PTPRN2: variants seen among roughly 807,000 people sequenced by gnomAD.
PTPRN2 encodes the protein protein tyrosine phosphatase receptor type N2.
A neutral mutation model predicts 118.8 loss-of-function variants in PTPRN2; 74 were observed. That is an observed-to-expected ratio of 0.62 (90% CI 0.52 to 0.76). The LOEUF is 0.76. Ranked by LOEUF, PTPRN2 falls within the 30% of genes least tolerant of loss-of-function variation. PTPRN2 has a pLI of 0.00. For synonymous variants in PTPRN2, 641 were observed against 608.0 expected (o/e 1.05, Z -0.80); for missense variants, 1,481 against 1,394.4 (o/e 1.06, Z -0.99).
Position 157,619,536 on chromosome 7 carries a change from G to A in PTPRN2, c.2344+1826C>T, listed in dbSNP as rs555983500. Among the ~76,000 whole-genome samples the A allele has an allele frequency of 6.6e-6, 1 of 152,148 alleles. No individual in the cohort carries two copies. The highest frequency in any genetic ancestry group is 1.5e-5 in the Non-Finnish European group (1 of 68,024). On this transcript the variant is annotated intron_variant, in intron 15 of 22. Coordinates refer to ENST00000389418, the MANE Select transcript of PTPRN2 (RefSeq NM_002847.5). The surrounding 1 kb of genome is among the most constrained non-coding windows in gnomAD (Gnocchi z 5.3). The stretch of plus-strand genomic sequence containing the variant: ...AGTAAATATCTGTTAGTTGGCTAAT[G>A]GGATGTATTGTATTTTGCTTTTCTT...
At chr7:158,117,028 C>A (rs973843022) in intron 9 of PTPRN2, among the ~76,000 whole-genome samples, 14 of 149,930 alleles carry the variant, frequency 9.3e-5, no homozygotes, top group Non-Finnish European at 1.2e-4. Flanking sequence ...AAACAAGAAA[C>A]AAAGAAACAA....
chr7:158,443,559 G>A (rs545014096), intron 2 of PTPRN2, among the ~76,000 whole-genome samples: 32 of 152,282 alleles, frequency 2.1e-4, no homozygotes, highest in Admixed American at 1.9e-3. Flanking sequence ...GGAAGCAGGA[G>A]GAGCGGCGTG....
chr7:158,317,326 C>T (rs955856704), intron 2 of PTPRN2, among the ~76,000 whole-genome samples: 1 of 152,238 alleles, frequency 6.6e-6, no homozygotes, highest in South Asian at 2.1e-4. Flanking sequence ...AAACAGAACA[C>T]CCAGGAAATA....
intron 12 of PTPRN2, among the ~76,000 whole-genome samples, chr7:157,738,787 A>G (rs1315150731): frequency 6.6e-6 from 1 of 151,778 alleles, no homozygotes; most frequent in Non-Finnish European, 1.5e-5. Context: ...TTTTGTATGT[A>G]TTATTTCTAG....
intron 12 of PTPRN2, among the ~76,000 whole-genome samples, chr7:157,852,759 C>T (rs954162600): frequency 6.7e-6 from 1 of 150,200 alleles, no homozygotes; most frequent in South Asian, 2.1e-4. Flanking sequence ...ATCCCAGCTA[C>T]TCGGGAGGCT....
At chr7:158,332,305 A>T (rs376092788) in intron 2 of PTPRN2, among the ~76,000 whole-genome samples, 158 of 44,872 alleles carry the variant, frequency 3.5e-3, no homozygotes, top group South Asian at 0.023. Flanking sequence ...GACGTCACTC[A>T]CACCCACACT....
chr7:158,301,044 T>C (rs1800852797), intron 3 of PTPRN2, among the ~76,000 whole-genome samples: 1 of 152,254 alleles, frequency 6.6e-6, no homozygotes, highest in African/African-American at 2.4e-5. Context: ...AGATGAATGG[T>C]AACCTTCATG....
intron 6 of PTPRN2, among the ~76,000 whole-genome samples, chr7:158,158,545 T>G (rs201923282): frequency 0.066 from 7,543 of 114,852 alleles, 764 homozygotes; most frequent in African/African-American, 0.079. Flanking sequence ...ATGAGTGAAC[T>G]CAGGAGAATC....
intron 3 of PTPRN2, 46 bp downstream of exon 3, chr7:158,316,773 T>A (rs746878534): frequency 9.8e-6 from 14 of 1,427,714 alleles, no homozygotes; most frequent in Non-Finnish European, 1.3e-5. Flanking sequence ...GCCCGTGCGG[T>A]CGCTCAGTGC....
chr7:157,885,442 A>G (rs537661909), intron 12 of PTPRN2, among the ~76,000 whole-genome samples: 1 of 152,292 alleles, frequency 6.6e-6, no homozygotes, highest in East Asian at 1.9e-4. Context: ...CCTGAGCAGA[A>G]GGGCATGGGG....
intron 12 of PTPRN2, among the ~76,000 whole-genome samples, chr7:157,806,278 A>G (rs948368074): frequency 1.6e-4 from 24 of 152,192 alleles, no homozygotes; most frequent in African/African-American, 5.3e-4. Flanking sequence ...CTATGCTCAA[A>G]AAGTTTTCGA....
chr7:158,143,727 A>C (rs1160869661), intron 6 of PTPRN2, among the ~76,000 whole-genome samples: 4 of 152,134 alleles, frequency 2.6e-5, no homozygotes, highest in Non-Finnish European at 5.9e-5. Flanking sequence ...ATTATTTCTG[A>C]TGTCACGATT....
Position 157,548,874 on chromosome 7 carries a change from C to T in PTPRN2, c.2976+72G>A. 2.8e-6 allele frequency: 4 copies of T among 1,417,512 alleles called. No individual in the cohort carries two copies. The South Asian group carries it at 4.6e-5, about 16-fold the overall frequency. The allele number at this position is 1,417,512 out of a possible 1,614,324, so 87.8% of individuals were successfully genotyped here. A position where few individuals can be genotyped will look rare whatever the true frequency, so the allele number is the denominator to read the frequency against. On this transcript the variant is annotated intron_variant, in intron 22 of 22. Transcript: ENST00000389418. The stretch of plus-strand genomic sequence containing the variant: ...CACATTAAACCAGGCCCTCCCCGTG[C>T]TCCTCTCAGGAACACGGCCGCAGAG...
At position 157,794,189 on chromosome 7, in the gene PTPRN2, C is replaced by T. The variant is rs1804711731; in HGVS notation, c.1788+104484G>A. On this transcript the variant is annotated intron_variant, in intron 12 of 22. Transcript: ENST00000389418. This position sits in a 1 kb window ranked among gnomAD's most constrained non-coding sequence, Gnocchi z 5.2. ...CACCTCTCCTCGTTCTCTGCCCTGA[C>T]CCGGGATCACACCTCCGACCCGGGC... 6.8e-6 allele frequency among the ~76,000 whole-genome samples: 1 copy of T among 148,144 alleles called. No individual in the cohort carries two copies. The highest frequency in any genetic ancestry group is 1.5e-5 in the Non-Finnish European group (1 of 67,808).
chr7:157,958,828 C>A (rs943836727), intron 11 of PTPRN2, among the ~76,000 whole-genome samples: 1 of 152,138 alleles, frequency 6.6e-6, no homozygotes. Flanking sequence ...TAATACTACC[C>A]AAAGTGATCT....
intron 21 of PTPRN2, among the ~76,000 whole-genome samples, chr7:157,565,066 G>A (rs566690576): frequency 1.3e-5 from 2 of 152,354 alleles, no homozygotes; most frequent in South Asian, 2.1e-4. Flanking sequence ...AAGCGCAGAC[G>A]CGGTATCACT....
At chr7:157,682,086 G>C (rs1002192090) in intron 13 of PTPRN2, among the ~76,000 whole-genome samples, 1 of 152,204 alleles carries the variant, frequency 6.6e-6, no homozygotes, top group Non-Finnish European at 1.5e-5. Context: ...CGAAATGTGC[G>C]CCATAGAACT....
At chr7:157,747,836 G>C in intron 12 of PTPRN2, among the ~76,000 whole-genome samples, 1 of 132,932 alleles carries the variant, frequency 7.5e-6, no homozygotes, top group African/African-American at 3.0e-5. Flanking sequence ...CCTGAGCTTT[G>C]GGCTGTCCGG....
At chr7:157,707,187 C>A (rs1798375455) in intron 12 of PTPRN2, among the ~76,000 whole-genome samples, 1 of 96,802 alleles carries the variant, frequency 1.0e-5, no homozygotes, top group African/African-American at 4.5e-5. Context: ...CACACAGATA[C>A]AGCATACACG....
Sources: gnomAD v4.1 joint callset for allele counts (sites outside exome capture counted in the v4.1 genomes callset) on GRCh38, gnomAD v4.1.1 for gene constraint, Gnocchi (gnomAD v3.1) non-coding constraint, MANE v1.5 for transcripts, NCBI Gene and HGNC (gene_info 2026-07-23, HGNC 2026-07-21) for gene names.